Variants in TXNRD1 observed in about 807,000 individuals in gnomAD.
TXNRD1 encodes thioredoxin reductase 1.
Under a neutral mutation model 80.3 loss-of-function variants are expected in TXNRD1, and 57 were observed. The observed-to-expected ratio is 0.71, with a 90% CI of 0.57 to 0.89. TXNRD1 has a LOEUF of 0.89. Among genes scored for constraint, TXNRD1 ranks in the 40% least tolerant of loss-of-function variants. The probability of loss-of-function intolerance (pLI) is 0.00; values close to 1 mark genes in which losing one functional copy is unlikely to be tolerated. For missense variants in TXNRD1, 730 were observed against 803.0 expected (o/e 0.91, Z 1.10); for synonymous variants, 291 against 285.2 (o/e 1.02, Z -0.20).
intron 3 of TXNRD1, among the ~76,000 whole-genome samples, chr12:104,278,594 C>T (rs368728212): frequency 5.8e-4 from 88 of 151,412 alleles, no homozygotes; most frequent in South Asian, 1.9e-3. Context: ...CTCCACCTCC[C>T]GGGTTCAAGC....
intron 4 of TXNRD1, among the ~76,000 whole-genome samples, chr12:104,290,355 C>A (rs571353427): frequency 6.6e-6 from 1 of 151,954 alleles, no homozygotes; most frequent in Admixed American, 6.6e-5. Flanking sequence ...GTTACTCAGA[C>A]CTTTAGTTTG....
At chr12:104,281,750 C>T (rs151147733) in intron 3 of TXNRD1, among the ~76,000 whole-genome samples, 1 of 152,074 alleles carries the variant, frequency 6.6e-6, no homozygotes, top group African/African-American at 2.4e-5. Flanking sequence ...CTATTTTCCA[C>T]ACAACTGAGC....
intron 4 of TXNRD1, among the ~76,000 whole-genome samples, chr12:104,297,262 G>A (rs1438834868): frequency 6.9e-6 from 1 of 145,678 alleles, no homozygotes; most frequent in Non-Finnish European, 1.5e-5. Context: ...CGGAGATCCT[G>A]CCATTGCACT....
chr12:104,324,552 A>C (rs1167801298), intron 10 of TXNRD1, among the ~76,000 whole-genome samples: 1 of 151,844 alleles, frequency 6.6e-6, no homozygotes, highest in Non-Finnish European at 1.5e-5. Flanking sequence ...GGGTTTCACT[A>C]TGTTGGTCAG....
At chr12:104,324,454 C>G (rs2035683982) in intron 10 of TXNRD1, among the ~76,000 whole-genome samples, 1 of 151,024 alleles carries the variant, frequency 6.6e-6, no homozygotes, top group South Asian at 2.1e-4. Flanking sequence ...CGGGTTCACG[C>G]CATTCTTCTG....
chr12:104,342,641 A>AG (rs1349521832), intron 16 of TXNRD1, among the ~76,000 whole-genome samples: 1 of 152,168 alleles, frequency 6.6e-6, no homozygotes. Flanking sequence ...GAGCTTAGAG[A>AG]GTTAAAAATA....
intron 3 of TXNRD1, among the ~76,000 whole-genome samples, chr12:104,275,086 C>G (rs984260026): frequency 1.3e-5 from 2 of 152,070 alleles, no homozygotes; most frequent in Non-Finnish European, 2.9e-5. Flanking sequence ...TTTCATGTTC[C>G]TTTCACTCCT....
intron 2 of TXNRD1, among the ~76,000 whole-genome samples, chr12:104,253,334 G>A (rs1214456415): frequency 6.6e-6 from 1 of 152,142 alleles, no homozygotes; most frequent in African/African-American, 2.4e-5. Flanking sequence ...CAATATGATA[G>A]TGATGCCTTT....
At chr12:104,344,133 T>C (rs2036416103) in intron 16 of TXNRD1, among the ~76,000 whole-genome samples, 2 of 152,150 alleles carry the variant, frequency 1.3e-5, no homozygotes, top group Admixed American at 1.3e-4. Flanking sequence ...AGGGAATATC[T>C]AACTGTAGGG....
chr12:104,256,743 G>A (rs1209365386), intron 2 of TXNRD1, among the ~76,000 whole-genome samples: 1 of 138,936 alleles, frequency 7.2e-6, no homozygotes, highest in Non-Finnish European at 1.5e-5. Flanking sequence ...TAGTGCCACT[G>A]CACTCCACTG....
intron 1 of TXNRD1, among the ~76,000 whole-genome samples, chr12:104,242,049 T>C (rs2032883431): frequency 7.0e-6 from 1 of 143,130 alleles, no homozygotes; most frequent in African/African-American, 2.6e-5. Context: ...GCAATTTCCC[T>C]GCCTCAGCCT....
intron 4 of TXNRD1, among the ~76,000 whole-genome samples, chr12:104,303,390 A>G (rs1646606080): frequency 6.6e-6 from 1 of 152,232 alleles, no homozygotes; most frequent in Admixed American, 6.5e-5. Flanking sequence ...AGCCAGATTT[A>G]GTTCACAAAA....
rs932434283 is a variant in TXNRD1 at position 104,348,651 on chromosome 12, C to T, written c.*230C>T. ...TTGAAGCTGACATTTGGCAGGGCATCGAAGGGATGCATCCATGAAGTCACC... is the reference window on the plus strand; with the variant it reads ...TTGAAGCTGACATTTGGCAGGGCATTGAAGGGATGCATCCATGAAGTCACC... On this transcript the variant is annotated 3_prime_UTR_variant, in exon 17 of 17. Coordinates refer to ENST00000525566, the MANE Select transcript of TXNRD1 (RefSeq NM_001093771.3). The T allele has an allele frequency of 9.4e-6, 5 of 529,894 alleles. No individual in the cohort carries two copies. Among genetic ancestry groups the T allele is most frequent in the Admixed American group, 7.1e-5 (2 of 28,302 alleles). 32.8% of individuals were successfully genotyped at this position (529,894 alleles called of 1,614,324 possible). A position where few individuals can be genotyped will look rare whatever the true frequency, so the allele number is the denominator to read the frequency against.
chr12:104,304,009 A>G (rs1359543661), intron 4 of TXNRD1: 1 of 1,611,564 alleles, frequency 6.2e-7, no homozygotes, highest in Non-Finnish European at 8.5e-7. Flanking sequence ...ACGTAGACCC[A>G]AAGCTCCTGG....
intron 3 of TXNRD1, among the ~76,000 whole-genome samples, chr12:104,258,553 T>C (rs1391125921): frequency 6.6e-6 from 1 of 152,128 alleles, no homozygotes; most frequent in East Asian, 1.9e-4. Context: ...TGGAGTAAAA[T>C]GGAAAGCTTC....
rs1273060657 is a variant in TXNRD1 at position 104,239,591 on chromosome 12, C to T, written c.92-11936C>T. Among the ~76,000 whole-genome samples the T allele has an allele frequency of 2.0e-5, 3 of 151,448 alleles. No individual in the cohort carries two copies. The East Asian group carries it at 5.9e-4, about 30-fold the overall frequency. ...TTTTTCCCTAGACTCAAGTGATTCTCATGCCTCAGCCTCCCAAGTAACTGG... is the reference window on the plus strand; with the variant it reads ...TTTTTCCCTAGACTCAAGTGATTCTTATGCCTCAGCCTCCCAAGTAACTGG... On this transcript the variant is annotated intron_variant, in intron 1 of 16. Transcript: ENST00000525566.
intron 1 of TXNRD1, among the ~76,000 whole-genome samples, chr12:104,228,622 A>ACT (rs926039114): frequency 1.3e-5 from 2 of 152,092 alleles, no homozygotes; most frequent in African/African-American, 4.8e-5. Context: ...CAAGAGTGAA[A>ACT]CTCTCTCTCA....
At chr12:104,277,879 CTTTT>C (rs140314717) in intron 3 of TXNRD1, among the ~76,000 whole-genome samples, 1 of 141,836 alleles carries the variant, frequency 7.1e-6, no homozygotes, top group Non-Finnish European at 1.5e-5. Context: ...TGGCAAGATT[CTTTT>C]TTTTTTTTTT....
At chr12:104,267,699 T>TTCGTTCTTTCTTTCTC (rs2033552122) in intron 3 of TXNRD1, among the ~76,000 whole-genome samples, 1 of 46,416 alleles carries the variant, frequency 2.2e-5, no homozygotes, top group African/African-American at 7.3e-5. Context: ...CTTTCTTTCT[T>TTCGTTCTTTCTTTCTC]TCTCTCTTTC....
Sources: gnomAD v4.1 joint callset for allele counts (sites outside exome capture counted in the v4.1 genomes callset) on GRCh38, gnomAD v4.1.1 for gene constraint, MANE v1.5 for transcripts, NCBI Gene and HGNC (gene_info 2026-07-23, HGNC 2026-07-21) for gene names.